SORCS2: variants seen among roughly 807,000 people sequenced by gnomAD.
The protein encoded by SORCS2 is sortilin related VPS10 domain containing receptor 2.
SORCS2 carries 100 observed loss-of-function variants against 141.6 expected under a neutral mutation model. The observed-to-expected ratio is 0.71, with a 90% confidence interval of 0.60 to 0.83. The LOEUF is 0.83. Among genes scored for constraint, SORCS2 ranks in the 40% least tolerant of loss-of-function variants. The pLI is 0.00. For missense variants in SORCS2, 1,646 were observed against 1,560.2 expected, an observed-to-expected ratio of 1.05 and a Z score of -0.93; for synonymous variants, 789 against 676.9, an observed-to-expected ratio of 1.17 and a Z score of -2.57.
chr4:7,336,725 G>A (rs1366160310), intron 1 of SORCS2, among the ~76,000 whole-genome samples: 1 of 151,422 alleles, frequency 6.6e-6, no homozygotes, highest in Non-Finnish European at 1.5e-5. Context: ...TGGTGGAAGC[G>A]CCAGTAGCAC....
At chr4:7,439,314 A>G (rs1214926746) in intron 2 of SORCS2, among the ~76,000 whole-genome samples, 1 of 152,176 alleles carries the variant, frequency 6.6e-6, no homozygotes, top group Non-Finnish European at 1.5e-5. Context: ...CAACAGTGAG[A>G]GGCTTGGCTC....
chr4:7,352,591 C>T (rs964576810), intron 1 of SORCS2, among the ~76,000 whole-genome samples: 2 of 152,170 alleles, frequency 1.3e-5, no homozygotes, highest in African/African-American at 2.4e-5. Context: ...AGTGGGCTCT[C>T]GAGCTGGGAG....
intron 3 of SORCS2, among the ~76,000 whole-genome samples, chr4:7,533,130 G>A (rs1455720674): frequency 2.0e-5 from 3 of 152,184 alleles, no homozygotes; most frequent in African/African-American, 7.2e-5. Flanking sequence ...GACGAGAGAG[G>A]TGAGATTTGC....
At position 7,525,137 on chromosome 4, in the gene SORCS2, A is replaced by C. The variant is rs138093905; in HGVS notation, c.549-6393A>C. On this transcript the variant is annotated intron_variant, in intron 2 of 26. Transcript: ENST00000507866. ...CATGGCTGCACTTACTTATCTGAGA[A>C]GCAGATGCTCAGAGGAAATAATGCA... 5.9e-3 allele frequency among the ~76,000 whole-genome samples: 893 copies of C among 152,332 alleles called. 7 individuals are homozygous for C. The highest frequency in any genetic ancestry group is 0.025 in the South Asian group (123 of 4,828).
intron 1 of SORCS2, among the ~76,000 whole-genome samples, chr4:7,210,751 T>C (rs537912394): frequency 6.6e-6 from 1 of 152,362 alleles, no homozygotes; most frequent in African/African-American, 2.4e-5. Context: ...GTGGCTGTGA[T>C]ACAATGAGGG....
At chr4:7,327,001 C>A (rs950903975) in intron 1 of SORCS2, among the ~76,000 whole-genome samples, 1 of 152,218 alleles carries the variant, frequency 6.6e-6, no homozygotes, top group South Asian at 2.1e-4. Flanking sequence ...CACCCCTGCC[C>A]ACAGCTGCTT....
At chr4:7,542,498 G>T (rs1419402822) in intron 3 of SORCS2, among the ~76,000 whole-genome samples, 1 of 152,182 alleles carries the variant, frequency 6.6e-6, no homozygotes, top group African/African-American at 2.4e-5. Context: ...GAGGCTGAGG[G>T]GAGTGAGGCA....
intron 2 of SORCS2, among the ~76,000 whole-genome samples, chr4:7,450,928 G>A (rs1279311046): frequency 2.6e-5 from 4 of 152,154 alleles, no homozygotes; most frequent in Admixed American, 1.3e-4. Flanking sequence ...GAGGAAGTGA[G>A]GGAATGAGTG....
intron 23 of SORCS2, 106 bp downstream of exon 23, chr4:7,729,818 C>T: frequency 9.6e-6 from 14 of 1,453,574 alleles, no homozygotes; most frequent in Non-Finnish European, 1.3e-5. Flanking sequence ...ATAAAGGCGT[C>T]TTTCTCGCTG....
chr4:7,395,957 G>A (rs982641993), intron 1 of SORCS2, among the ~76,000 whole-genome samples: 3 of 152,190 alleles, frequency 2.0e-5, no homozygotes, highest in Non-Finnish European at 4.4e-5. Flanking sequence ...CACTGCCCTG[G>A]CACTCCCTTT....
At chr4:7,452,069 A>C (rs1728496656) in intron 2 of SORCS2, among the ~76,000 whole-genome samples, 1 of 151,784 alleles carries the variant, frequency 6.6e-6, no homozygotes, top group Non-Finnish European at 1.5e-5. Flanking sequence ...CACCACCATG[A>C]ATGTTCCTCC....
At chr4:7,400,047 T>C (rs1019799761) in intron 2 of SORCS2, among the ~76,000 whole-genome samples, 9 of 152,138 alleles carry the variant, frequency 5.9e-5, no homozygotes, top group African/African-American at 2.2e-4. Flanking sequence ...GGGACCACAC[T>C]TCAAGTAGCC....
At chr4:7,356,230 A>G (rs1047369717) in intron 1 of SORCS2, among the ~76,000 whole-genome samples, 1 of 152,250 alleles carries the variant, frequency 6.6e-6, no homozygotes, top group Non-Finnish European at 1.5e-5. Flanking sequence ...TCTCACCACC[A>G]GATACAGTAT....
At chr4:7,290,312 T>G (rs537575527) in intron 1 of SORCS2, among the ~76,000 whole-genome samples, 73 of 152,242 alleles carry the variant, frequency 4.8e-4, no homozygotes, top group Non-Finnish European at 8.5e-4. Context: ...CTGGACCCCT[T>G]CAGCTGTGGG....
intron 1 of SORCS2, among the ~76,000 whole-genome samples, chr4:7,277,988 G>C (rs190933958): frequency 2.6e-5 from 4 of 152,302 alleles, no homozygotes; most frequent in South Asian, 2.1e-4. Flanking sequence ...TTCGCTTGTG[G>C]ATACCTTGTC....
intron 1 of SORCS2, among the ~76,000 whole-genome samples, chr4:7,203,005 T>C (rs142432741): frequency 3.7e-4 from 57 of 152,252 alleles, no homozygotes; most frequent in Middle Eastern, 3.4e-3. Context: ...GTAGATATCA[T>C]GGTTATATGC....
intron 1 of SORCS2, among the ~76,000 whole-genome samples, chr4:7,320,434 C>T (rs1398986772): frequency 3.3e-5 from 5 of 152,204 alleles, no homozygotes; most frequent in Non-Finnish European, 5.9e-5. Flanking sequence ...ATAGAAGAGG[C>T]CAGGTTTTCT....
intron 8 of SORCS2, among the ~76,000 whole-genome samples, chr4:7,673,961 T>G (rs1229486501): frequency 6.6e-6 from 1 of 152,198 alleles, no homozygotes; most frequent in Non-Finnish European, 1.5e-5. Flanking sequence ...GGCAGCAGAA[T>G]GACCAACGCC....
chr4:7,462,177 G>T (rs533826739), intron 2 of SORCS2, among the ~76,000 whole-genome samples: 49 of 152,362 alleles, frequency 3.2e-4, no homozygotes, highest in African/African-American at 1.1e-3. Flanking sequence ...GCTGACATTT[G>T]TTAAGGCTGT....
Sources: allele counts gnomAD v4.1 joint callset (sites outside exome capture counted in the v4.1 genomes callset), GRCh38; gene constraint gnomAD v4.1.1; transcripts MANE v1.5; gene names NCBI Gene and HGNC (gene_info 2026-07-23, HGNC 2026-07-21).